AGBL1: variants seen among roughly 807,000 people sequenced by gnomAD.
AGBL1 encodes AGBL carboxypeptidase 1, also known as cytosolic carboxypeptidase 4.
Under a neutral mutation model 118.9 loss-of-function variants are expected in AGBL1, and 130 were observed. That is an observed-to-expected ratio of 1.09 (90% confidence interval 0.95 to 1.26). The LOEUF is 1.26. Ranked by LOEUF, AGBL1 falls within the 50% of genes most tolerant of loss-of-function variation. The probability of loss-of-function intolerance (pLI) is 0.00; values close to 1 mark genes in which losing one functional copy is unlikely to be tolerated. For synonymous variants in AGBL1, 555 were observed against 478.9 expected (o/e 1.16, Z -2.08); for missense variants, 1,584 against 1,298.1 (o/e 1.22, Z -3.38).
At chr15:86,582,169 A>T (rs986533799) in intron 21 of AGBL1, among the ~76,000 whole-genome samples, 2 of 152,106 alleles carry the variant, frequency 1.3e-5, no homozygotes, top group Non-Finnish European at 2.9e-5. Context: ...GATCAAAATC[A>T]CCCATTATTG....
At chr15:86,935,491 G>T (rs1180194830) in intron 23 of AGBL1, among the ~76,000 whole-genome samples, 1 of 152,196 alleles carries the variant, frequency 6.6e-6, no homozygotes, top group Non-Finnish European at 1.5e-5. Context: ...CACCATAGTG[G>T]TCACAGCTCC....
In AGBL1 at chr15:86,516,217, C is replaced by T. The variant is rs535071079; in HGVS notation, c.2556-6593C>T. ...TGAACGGAGGGTTGGCTTTGAGTTC[C>T]GTCATCTTTGTCCACAAGGAATCTC... On this transcript the variant is annotated intron_variant, in intron 18 of 22. Coordinates refer to ENST00000614907, the MANE Select transcript of AGBL1 (RefSeq NM_001386094.1). 4.6e-5 allele frequency among the ~76,000 whole-genome samples: 7 copies of T among 152,216 alleles called. No homozygotes were observed. In the South Asian group the frequency reaches 6.2e-4, roughly 14 times the overall value.
chr15:86,760,218 C>A (rs925977244), intron 22 of AGBL1, among the ~76,000 whole-genome samples: 1 of 151,988 alleles, frequency 6.6e-6, no homozygotes, highest in Non-Finnish European at 1.5e-5. Flanking sequence ...AAATGAGAAG[C>A]AGGGGCAGAC....
rs2079046556 is a variant in AGBL1, at chr15:86,264,750, T to C, written c.1579T>C (p.Phe527Leu). 1 of 1,613,934 alleles carries C rather than the reference T, an allele frequency of 6.2e-7. No homozygotes were observed. Among genetic ancestry groups the C allele is most frequent in the Non-Finnish European group, 8.5e-7 (1 of 1,179,914 alleles). ...KARRTSSVVD[F>L]KMMAFPDVWG... ...CAGAAGAACCAGCTCTGTGGTGGAC[T>C]TCAAGATGATGGCATTTCCTGATGT... Residue 527 changes from phenylalanine (F) to leucine (L), a missense_variant, in exon 11 of 23, where the codon TTC (phenylalanine) becomes CTC (leucine). Physicochemically the swap from Phe to Leu is conservative, Grantham distance 22 (BLOSUM62 0). Coordinates refer to ENST00000614907, the MANE Select transcript of AGBL1 (RefSeq NM_001386094.1).
intron 7 of AGBL1, among the ~76,000 whole-genome samples, chr15:86,252,787 T>G (rs2078837198): frequency 6.6e-6 from 1 of 152,036 alleles, no homozygotes; most frequent in African/African-American, 2.4e-5. Context: ...AACTAGGACG[T>G]TTTGGAGGGT....
chr15:86,299,704 T>C (rs2141792729), intron 17 of AGBL1: 1 of 152,256 alleles, frequency 6.6e-6, no homozygotes, highest in East Asian at 1.9e-4. Flanking sequence ...CTTCAACACA[T>C]TATATGTGAA....
chr15:86,595,159 C>T (rs1236028517), intron 21 of AGBL1, among the ~76,000 whole-genome samples: 2 of 152,116 alleles, frequency 1.3e-5, no homozygotes, highest in Admixed American at 1.3e-4. Flanking sequence ...GTCATCTTCT[C>T]CTCTCTCTAT....
chr15:86,295,436 A>G, intron 17 of AGBL1, 28 bp downstream of exon 17: 1 of 1,531,632 alleles, frequency 6.5e-7, no homozygotes, highest in Non-Finnish European at 8.8e-7. Context: ...CTCTTCGTAG[A>G]AGATTTGACT....
At chr15:86,703,584 T>A (rs1596385505) in intron 22 of AGBL1, among the ~76,000 whole-genome samples, 1 of 152,176 alleles carries the variant, frequency 6.6e-6, no homozygotes, top group East Asian at 1.9e-4. Flanking sequence ...CCTACCCAAA[T>A]GTCACCTTGA....
intron 23 of AGBL1, among the ~76,000 whole-genome samples, chr15:86,967,812 C>G (rs911272946): frequency 1.3e-5 from 2 of 152,014 alleles, no homozygotes; most frequent in African/African-American, 4.8e-5. Context: ...AATGTGGGCT[C>G]TTTTTTTGTT....
At chr15:86,184,429 C>CTTTTT (rs199807402) in intron 5 of AGBL1, among the ~76,000 whole-genome samples, 27 of 144,484 alleles carry the variant, frequency 1.9e-4, no homozygotes, top group African/African-American at 5.8e-4. Context: ...TTTCTTTTTT[C>CTTTTT]TTTCTTTTTT....
intron 19 of AGBL1, among the ~76,000 whole-genome samples, chr15:86,525,197 A>G (rs1231960350): frequency 6.6e-6 from 1 of 152,168 alleles, no homozygotes; most frequent in Non-Finnish European, 1.5e-5. Context: ...CAAGGAAGGT[A>G]AAAGATCACT....
Position 86,256,879 on chromosome 15 carries a change from G to A in AGBL1, c.762G>A (p.Glu254=), listed in dbSNP as rs770212726. 21 of 1,613,762 alleles carry A rather than the reference G, an allele frequency of 1.3e-5. No homozygotes were observed. Among genetic ancestry groups the A allele is most frequent in the Middle Eastern group, 1.6e-4 (1 of 6,080 alleles). The change falls in exon 8 of 23, where the codon GAG becomes GAA. Residue 254 remains glutamate, a synonymous_variant. Coordinates refer to ENST00000614907, the MANE Select transcript of AGBL1 (RefSeq NM_001386094.1). The part of the protein sequence containing the change: ...TQNCLDDKSM[E]PVISVVLQIL... ...ACTGCCTGGATGACAAGAGCATGGA[G>A]CCCGTCATCTCTGTGGTGCTTCAGA...
chr15:86,656,817 C>T (rs895705806), intron 21 of AGBL1, among the ~76,000 whole-genome samples: 2 of 152,122 alleles, frequency 1.3e-5, no homozygotes, highest in Admixed American at 1.3e-4. Context: ...CCTTAGCTAA[C>T]ATGAGAAGGG....
At chr15:86,606,965 C>T (rs1281350534) in intron 21 of AGBL1, among the ~76,000 whole-genome samples, 1 of 132,406 alleles carries the variant, frequency 7.6e-6, no homozygotes, top group Non-Finnish European at 1.7e-5. Flanking sequence ...GCTTCCCCTA[C>T]TCATCCTTCC....
intron 5 of AGBL1, among the ~76,000 whole-genome samples, chr15:86,201,798 A>G (rs2141858027): frequency 6.6e-6 from 1 of 152,292 alleles, no homozygotes; most frequent in East Asian, 1.9e-4. Context: ...TCAGTAACTG[A>G]ATCTGTCATG....
chr15:86,603,165 C>T (rs1490478668), intron 21 of AGBL1, among the ~76,000 whole-genome samples: 4 of 152,072 alleles, frequency 2.6e-5, no homozygotes, highest in East Asian at 1.9e-4. Flanking sequence ...AGATTTCTTA[C>T]CCCTCAACAT....
exon 25 of AGBL1, chr15:87,028,885 G>C (rs752030165): frequency 4.4e-6 from 7 of 1,575,236 alleles, no homozygotes; most frequent in Non-Finnish European, 6.1e-6. Flanking sequence ...CATGCCATGT[G>C]CCCAGCTCCT....
At chr15:86,878,467 T>C (rs1377962698) in intron 22 of AGBL1, among the ~76,000 whole-genome samples, 1 of 152,160 alleles carries the variant, frequency 6.6e-6, no homozygotes, top group Non-Finnish European at 1.5e-5. Context: ...CACAAGGCCA[T>C]CCCTCCTATC....
Sources: gnomAD v4.1 joint callset for allele counts (sites outside exome capture counted in the v4.1 genomes callset) on GRCh38, gnomAD v4.1.1 for gene constraint, MANE v1.5 for transcripts, NCBI Gene and HGNC (gene_info 2026-07-23, HGNC 2026-07-21) for gene names.